CACNA1H: variants seen among roughly 807,000 people sequenced by gnomAD.
CACNA1H encodes calcium voltage-gated channel subunit alpha1 H.
Under a neutral mutation model 192.5 loss-of-function variants are expected in CACNA1H, and 149 were observed. The ratio of observed to expected loss-of-function variants is 0.77; its 90% CI spans 0.68 to 0.89. The LOEUF (loss-of-function observed/expected upper bound fraction) is 0.89. CACNA1H is among the 40% of genes least tolerant of loss of function. CACNA1H has a pLI of 0.00. For synonymous variants in CACNA1H, 2,202 were observed against 1,475.2 expected (o/e 1.49, Z -11.29); for missense variants, 4,257 against 3,423.5 (o/e 1.24, Z -6.08).
chr16:1,190,168 G>T lies in CACNA1H; in HGVS notation c.300-4804G>T, dbSNP rs1035568947. 3.3e-5 allele frequency among the ~76,000 whole-genome samples: 5 copies of T among 152,234 alleles called. 1 individual carries two copies. The highest frequency in any genetic ancestry group is 7.3e-5 in the Non-Finnish European group (5 of 68,046). On this transcript the variant is annotated intron_variant, in intron 2 of 34. Coordinates refer to ENST00000348261, the MANE Select transcript of CACNA1H (RefSeq NM_021098.3). The stretch of plus-strand genomic sequence containing the variant: ...CGGCCCTTCCCTGGCTGGGTTCCCT[G>T]ACCGTTCTGCCGCCCTGCAGCCAGC...
At chr16:1,192,527 G>A (rs1186041428) in intron 2 of CACNA1H, among the ~76,000 whole-genome samples, 2 of 152,246 alleles carry the variant, frequency 1.3e-5, no homozygotes, top group African/African-American at 2.4e-5. Flanking sequence ...GGGTCCAGAA[G>A]TCAGCATTCC....
chr16:1,205,072 C>T (rs375625350), intron 10 of CACNA1H, 42 bp from the exon 11 acceptor site: 19 of 1,562,278 alleles, frequency 1.2e-5, no homozygotes, highest in African/African-American at 2.7e-5. Flanking sequence ...GGGTGGGAGC[C>T]GCGGGTGCGG....
intron 2 of CACNA1H, among the ~76,000 whole-genome samples, chr16:1,175,673 G>A (rs1596327563): frequency 6.6e-6 from 1 of 152,218 alleles, no homozygotes; most frequent in South Asian, 2.1e-4. Flanking sequence ...TAGTTACTCC[G>A]CAGATGCCGG....
chr16:1,216,461 C>T (rs1383013473), intron 30 of CACNA1H, among the ~76,000 whole-genome samples: 7 of 152,232 alleles, frequency 4.6e-5, no homozygotes, highest in Admixed American at 4.6e-4. Flanking sequence ...AGAGCCGTGG[C>T]AGGGGAGGGG....
intron 2 of CACNA1H, among the ~76,000 whole-genome samples, chr16:1,170,068 G>A (rs912751094): frequency 5.9e-5 from 9 of 152,122 alleles, no homozygotes; most frequent in African/African-American, 2.2e-4. Flanking sequence ...TCCCCCGCTC[G>A]CCTCTCCAGG....
intron 5 of CACNA1H, 145 bp downstream of exon 5, chr16:1,196,168 T>C (rs896904982): frequency 9.1e-6 from 6 of 658,878 alleles, no homozygotes; most frequent in Middle Eastern, 2.6e-4. Context: ...ACCCCAGCAG[T>C]GGGGTGGCCC....
chr16:1,211,854 G>T (rs373457660), intron 24 of CACNA1H, 49 bp downstream of exon 24: 1 of 1,609,788 alleles, frequency 6.2e-7, no homozygotes, highest in East Asian at 2.2e-5. Context: ...TCCCGCGAGC[G>T]GCTGCCTTGG....
intron 2 of CACNA1H, among the ~76,000 whole-genome samples, chr16:1,161,985 T>C (rs1963249518): frequency 6.6e-6 from 1 of 152,140 alleles, no homozygotes. Flanking sequence ...CCGTGAAGTC[T>C]GAAGTGGACT....
chr16:1,196,117 C>T (rs1054700619), intron 5 of CACNA1H, 94 bp downstream of exon 5: 3 of 1,023,660 alleles, frequency 2.9e-6, no homozygotes, highest in South Asian at 1.3e-5. Context: ...GAGCACAGGA[C>T]TGGGAAATGA....
intron 2 of CACNA1H, among the ~76,000 whole-genome samples, 154 bp downstream of exon 2, chr16:1,154,190 G>A (rs1032894798): frequency 6.6e-6 from 1 of 151,888 alleles, no homozygotes; most frequent in African/African-American, 2.4e-5. Context: ...AGGGGCTGGA[G>A]GACCGCGCTC....
intron 2 of CACNA1H, among the ~76,000 whole-genome samples, chr16:1,168,285 TCTC>T (rs1276596036): frequency 6.6e-6 from 1 of 151,638 alleles, no homozygotes; most frequent in African/African-American, 2.4e-5. Context: ...GCAACCCCCA[TCTC>T]CTCCCTCCTA....
intron 26 of CACNA1H, among the ~76,000 whole-genome samples, chr16:1,213,360 G>A (rs542982201): frequency 1.8e-4 from 28 of 152,310 alleles, no homozygotes; most frequent in African/African-American, 5.5e-4. Context: ...GCCCAGCCAC[G>A]TGCTGCGCCA....
At chr16:1,166,770 T>C (rs1264376090) in intron 2 of CACNA1H, among the ~76,000 whole-genome samples, 2 of 152,144 alleles carry the variant, frequency 1.3e-5, no homozygotes, top group Non-Finnish European at 2.9e-5. Flanking sequence ...GCCCTGACCC[T>C]TCCACGGTTA....
rs545914875 is a variant in CACNA1H at position 1,189,811 on chromosome 16, A to AG, written c.300-5156dup. 5.3e-5 allele frequency among the ~76,000 whole-genome samples: 8 copies of AG among 151,946 alleles called. No homozygotes were observed. The East Asian group carries it at 1.6e-3, about 30-fold the overall frequency. On this transcript the variant is annotated intron_variant, in intron 2 of 34. Coordinates refer to ENST00000348261, the MANE Select transcript of CACNA1H (RefSeq NM_021098.3). ...TTCAACAGACAGGGCCCCACCACCGAGGGGGTCTTCAGCCCTGTTCCCCTG... is the reference window on the plus strand; with the variant it reads ...TTCAACAGACAGGGCCCCACCACCGAGGGGGGTCTTCAGCCCTGTTCCCCTG...
intron 2 of CACNA1H, among the ~76,000 whole-genome samples, chr16:1,169,940 C>A (rs1040423004): frequency 1.1e-4 from 16 of 152,332 alleles, no homozygotes; most frequent in African/African-American, 3.8e-4. Flanking sequence ...TTTTTCTGAG[C>A]GTTTGAAATA....
intron 6 of CACNA1H, among the ~76,000 whole-genome samples, chr16:1,199,435 A>G (rs1967484405): frequency 2.0e-5 from 1 of 50,498 alleles, no homozygotes; most frequent in Non-Finnish European, 3.8e-5. Flanking sequence ...GGCTCCGCCC[A>G]CCGTGCGGTC....
At chr16:1,194,949 T>G in intron 2 of CACNA1H, 23 bp from the exon 3 acceptor site, 1 of 1,567,440 alleles carries the variant, frequency 6.4e-7, no homozygotes, top group Non-Finnish European at 8.8e-7. Flanking sequence ...CGCGCCGGTG[T>G]GCTCCTTAAC....
intron 2 of CACNA1H, among the ~76,000 whole-genome samples, chr16:1,186,265 A>G (rs1239392257): frequency 6.6e-6 from 1 of 151,956 alleles, no homozygotes. Context: ...GTTTTGAATA[A>G]GAATGCGCGG....
At position 1,153,431 on chromosome 16, in the gene CACNA1H, G is replaced by C. The variant is rs1455227047; in HGVS notation, c.-58G>C. 6.6e-6 allele frequency: 1 copy of C among 151,200 alleles called. No homozygotes were observed. The highest frequency in any genetic ancestry group is 1.9e-4 in the East Asian group (1 of 5,212). The allele number at this position is 151,200 out of a possible 1,614,324, so 9.4% of individuals were successfully genotyped here. ...GGGGTCCGCGGTGACCGCGCCGCCC[G>C]GGCGATGCCCGCGGGGACGCCGCCG... On this transcript the variant is annotated 5_prime_UTR_variant, in exon 1 of 35. Coordinates refer to ENST00000348261, the MANE Select transcript of CACNA1H (RefSeq NM_021098.3).
Sources: allele counts gnomAD v4.1 joint callset (sites outside exome capture counted in the v4.1 genomes callset), GRCh38; gene constraint gnomAD v4.1.1; transcripts MANE v1.5; gene names NCBI Gene and HGNC (gene_info 2026-07-23, HGNC 2026-07-21).